ANKS1A: variants seen among roughly 807,000 people sequenced by gnomAD.
ANKS1A encodes ankyrin repeat and SAM domain-containing protein 1A.
ANKS1A carries 55 observed loss-of-function variants against 120.3 expected under a neutral mutation model. The ratio of observed to expected loss-of-function variants is 0.46; its 90% CI spans 0.37 to 0.57. ANKS1A has a LOEUF of 0.57. Among genes scored for constraint, ANKS1A ranks in the 20% least tolerant of loss-of-function variants. ANKS1A has a pLI of 0.00. For synonymous variants in ANKS1A, 590 were observed against 604.7 expected, an observed-to-expected ratio of 0.98 and a Z score of 0.36; for missense variants, 1,123 against 1,480.3, an observed-to-expected ratio of 0.76 and a Z score of 3.96.
chr6:34,989,476 A>C (rs557620502), intron 9 of ANKS1A, among the ~76,000 whole-genome samples, 160 bp downstream of exon 9: 1 of 152,350 alleles, frequency 6.6e-6, no homozygotes, highest in South Asian at 2.1e-4. Context: ...AGACCTTCCA[A>C]ACTCACAAAG....
chr6:34,979,325 T>C (rs1048594435), intron 3 of ANKS1A, among the ~76,000 whole-genome samples: 2 of 152,202 alleles, frequency 1.3e-5, no homozygotes, highest in African/African-American at 4.8e-5. Flanking sequence ...TGATGGCTTG[T>C]GTCAGTGATG....
In ANKS1A at chr6:34,998,289, A is replaced by G. The variant is rs1398777840; in HGVS notation, c.1423+3867A>G. Among the ~76,000 whole-genome samples, 21 of 152,352 alleles carry G rather than the reference A, an allele frequency of 1.4e-4. No homozygotes were observed. The East Asian group carries it at 4.0e-3, about 29-fold the overall frequency. On this transcript the variant is annotated intron_variant, in intron 10 of 23. Transcript: ENST00000360359. ...TTAATTAATCAGTTTTCAAAAGGCC[A>G]TGTTAGTGAGACTGTCAGAGCTTTT...
At chr6:35,078,763 A>C in intron 14 of ANKS1A, 107 bp downstream of exon 14, 1 of 1,066,600 alleles carries the variant, frequency 9.4e-7, no homozygotes, top group Non-Finnish European at 1.4e-6. Context: ...GCACACGCAC[A>C]TCATAGCAGG....
intron 1 of ANKS1A, among the ~76,000 whole-genome samples, chr6:34,916,724 G>A (rs1049687579): frequency 3.3e-5 from 5 of 152,190 alleles, no homozygotes; most frequent in African/African-American, 1.2e-4. Context: ...TTCCTTCTGT[G>A]TAGGATTTGT....
At chr6:34,988,716 A>T (rs370745685) in intron 8 of ANKS1A, among the ~76,000 whole-genome samples, 2 of 152,358 alleles carry the variant, frequency 1.3e-5, no homozygotes, top group South Asian at 2.1e-4. Flanking sequence ...ATGGGAGTAG[A>T]CCAGTATCAG....
At chr6:35,079,154 A>G (rs1248752202) in intron 14 of ANKS1A, among the ~76,000 whole-genome samples, 8 of 152,168 alleles carry the variant, frequency 5.3e-5, no homozygotes, top group Admixed American at 5.2e-4. Flanking sequence ...CTACCTGTCC[A>G]GAGCTTGGGA....
chr6:34,941,702 C>T (rs1188795158), intron 1 of ANKS1A, among the ~76,000 whole-genome samples: 2 of 152,222 alleles, frequency 1.3e-5, no homozygotes, highest in Non-Finnish European at 2.9e-5. Flanking sequence ...CTCTGATGCT[C>T]AACACTCCTG....
intron 1 of ANKS1A, among the ~76,000 whole-genome samples, chr6:34,921,058 G>A (rs72894076): frequency 0.032 from 4,866 of 152,280 alleles, 110 homozygotes; most frequent in South Asian, 0.053. Context: ...TAAGGATTAT[G>A]GACAAACACA....
At chr6:35,079,340 G>A (rs12154140) in intron 14 of ANKS1A, among the ~76,000 whole-genome samples, 176 bp from the exon 15 acceptor site, 25,420 of 151,988 alleles carry the variant, frequency 0.17, 2,318 homozygotes, top group Non-Finnish European at 0.2. Context: ...TGGGGAAGCC[G>A]AGACCAGCAA....
chr6:35,083,925 G>A (rs531634140), intron 20 of ANKS1A, among the ~76,000 whole-genome samples, 196 bp from the exon 21 acceptor site: 2 of 152,326 alleles, frequency 1.3e-5, no homozygotes, highest in African/African-American at 4.8e-5. Flanking sequence ...CTTAGTTGTT[G>A]TGGTAAGGGG....
chr6:35,006,775 A>G (rs560119335), intron 10 of ANKS1A, among the ~76,000 whole-genome samples: 4 of 152,296 alleles, frequency 2.6e-5, no homozygotes, highest in Middle Eastern at 6.8e-3. Context: ...ACAAAAAACA[A>G]AAACAAAAAT....
intron 11 of ANKS1A, among the ~76,000 whole-genome samples, chr6:35,031,858 C>G (rs779356331): frequency 6.6e-6 from 1 of 152,156 alleles, no homozygotes; most frequent in Non-Finnish European, 1.5e-5. Context: ...ATCTCATACC[C>G]TATTTTTCCA....
intron 1 of ANKS1A, among the ~76,000 whole-genome samples, chr6:34,916,850 C>T (rs771509673): frequency 6.6e-5 from 10 of 152,174 alleles, no homozygotes; most frequent in Non-Finnish European, 1.0e-4. Flanking sequence ...TATAGTCCAT[C>T]GTGGTCTGTC....
intron 1 of ANKS1A, among the ~76,000 whole-genome samples, chr6:34,916,976 A>G (rs910563190): frequency 1.1e-4 from 17 of 152,158 alleles, no homozygotes; most frequent in African/African-American, 3.4e-4. Context: ...TGGTCGTCCT[A>G]CCTTACATGG....
intron 1 of ANKS1A, among the ~76,000 whole-genome samples, chr6:34,966,727 T>C (rs575110748): frequency 2.0e-5 from 3 of 152,258 alleles, no homozygotes; most frequent in Admixed American, 6.5e-5. Flanking sequence ...TAGATTGTTA[T>C]TTTTTTAATT....
intron 11 of ANKS1A, among the ~76,000 whole-genome samples, chr6:35,039,319 C>T (rs1272219566): frequency 1.3e-5 from 2 of 151,420 alleles, no homozygotes; most frequent in African/African-American, 4.9e-5. Flanking sequence ...CTGTCTCAGC[C>T]TCCTGAGTAG....
intron 1 of ANKS1A, among the ~76,000 whole-genome samples, chr6:34,914,042 C>G (rs138311367): frequency 6.6e-6 from 1 of 152,298 alleles, no homozygotes; most frequent in African/African-American, 2.4e-5. Context: ...CTCAGCCTCC[C>G]GAGTAGCTGG....
intron 3 of ANKS1A, 79 bp from the exon 4 acceptor site, chr6:34,981,610 TG>T (rs1771909795): frequency 6.8e-7 from 1 of 1,462,742 alleles, no homozygotes; most frequent in South Asian, 1.3e-5. Context: ...TAAACTTCAG[TG>T]GTTTTACGAG....
In ANKS1A at chr6:35,089,350, C is replaced by T; in HGVS notation, c.*741C>T. The T allele has an allele frequency of 3.0e-6, 3 of 986,886 alleles. No individual in the cohort carries two copies. The highest frequency in any genetic ancestry group is 3.6e-6 in the Non-Finnish European group (3 of 830,722). 61.1% of individuals were successfully genotyped at this position (986,886 alleles called of 1,614,324 possible). ...GTTTCTAGTGCTGGGAAGTCTTAGC[C>T]AGCACCAGAGCGCCAGGCCTCTCCC... On this transcript the variant is annotated 3_prime_UTR_variant, in exon 24 of 24. Coordinates refer to ENST00000360359, the MANE Select transcript of ANKS1A (RefSeq NM_015245.3).
Sources: allele counts gnomAD v4.1 joint callset (sites outside exome capture counted in the v4.1 genomes callset), GRCh38; gene constraint gnomAD v4.1.1; transcripts MANE v1.5; gene names NCBI Gene and HGNC (gene_info 2026-07-23, HGNC 2026-07-21).